PWP1: variants seen among roughly 807,000 people sequenced by gnomAD.
PWP1 encodes the protein periodic tryptophan protein 1 homolog.
In PWP1, 47 loss-of-function variants were observed where a neutral mutation model predicts 69.9. That is an observed-to-expected ratio of 0.67 (90% CI 0.53 to 0.86). PWP1 has a LOEUF of 0.86. PWP1 is among the 40% of genes least tolerant of loss of function. PWP1 has a pLI of 0.00. For missense variants in PWP1, 551 were observed against 608.8 expected, an observed-to-expected ratio of 0.91 and a Z score of 1.00; for synonymous variants, 222 against 208.2, an observed-to-expected ratio of 1.07 and a Z score of -0.57.
At chr12:107,705,890 T>G (rs1889814645) in intron 11 of PWP1, among the ~76,000 whole-genome samples, 1 of 152,192 alleles carries the variant, frequency 6.6e-6, no homozygotes, top group Non-Finnish European at 1.5e-5. Context: ...GCAGCATGAT[T>G]TATAATCCTT....
intron 11 of PWP1, among the ~76,000 whole-genome samples, chr12:107,705,604 G>A (rs184696874): frequency 2.1e-4 from 31 of 144,972 alleles, no homozygotes; most frequent in African/African-American, 7.9e-4. Context: ...CCACCTATGA[G>A]TGAGAACATG....
intron 5 of PWP1, among the ~76,000 whole-genome samples, chr12:107,694,592 A>G (rs1889546708): frequency 6.6e-6 from 1 of 152,176 alleles, no homozygotes; most frequent in Non-Finnish European, 1.5e-5. Context: ...CTAACTCTTG[A>G]TATCTTTGAA....
At chr12:107,686,742 G>T (rs773346967) in intron 1 of PWP1, among the ~76,000 whole-genome samples, 1 of 152,148 alleles carries the variant, frequency 6.6e-6, no homozygotes, top group Non-Finnish European at 1.5e-5. Flanking sequence ...CAAGGCGGGC[G>T]GATCACGAGG....
Position 107,702,944 on chromosome 12 carries a change from A to G in PWP1, c.816A>G (p.Leu272=), listed in dbSNP as rs1224912693. The G allele has an allele frequency of 1.2e-6, 2 of 1,603,816 alleles. No individual in the cohort carries two copies. Among genetic ancestry groups the G allele is most frequent in the South Asian group, 2.2e-5 (2 of 90,872 alleles). The change falls in exon 9 of 15, where the codon TTA becomes TTG. Residue 272 remains leucine (L), a synonymous_variant. Coordinates refer to ENST00000412830, the MANE Select transcript of PWP1 (RefSeq NM_007062.3). The stretch of plus-strand genomic sequence containing the variant: ...TTCTTCCCTTTCTCAGAAATGTTTT[A>G]GCAAGTGCATCAGCTGACAACACTG... ...LSWNKLIRNV[L]ASASADNTVI...
chr12:107,692,746 T>C, intron 3 of PWP1, 68 bp from the exon 4 acceptor site: 2 of 1,313,246 alleles, frequency 1.5e-6, no homozygotes, highest in Non-Finnish European at 2.2e-6. Context: ...CAAGAATGGA[T>C]GTCATAGGAA....
At chr12:107,706,771 G>GT in intron 11 of PWP1, among the ~76,000 whole-genome samples, 1 of 152,232 alleles carries the variant, frequency 6.6e-6, no homozygotes, top group East Asian at 1.9e-4. Context: ...CTCTGTTTTG[G>GT]TACCAGTACC....
rs1253029994 is a variant in PWP1 at position 107,703,072 on chromosome 12, G to A, written c.903+41G>A. ...TGATCACAGCGGTTCTTAAAAATCG[G>A]ACACAAATATTGGCTAAAAATAATC... is the stretch of plus-strand genomic sequence containing the variant. On this transcript the variant is annotated intron_variant, in intron 9 of 14. Transcript: ENST00000412830. 1.5e-5 allele frequency: 21 copies of A among 1,401,624 alleles called. No individual in the cohort carries two copies. The Admixed American group carries it at 3.0e-4, about 20-fold the overall frequency. 86.8% of individuals were successfully genotyped at this position (1,401,624 alleles called of 1,614,324 possible).
intron 3 of PWP1, chr12:107,692,611 T>A: frequency 1.8e-6 from 1 of 542,848 alleles, no homozygotes. Flanking sequence ...CAAGACTGTC[T>A]GAAATCCATT....
intron 9 of PWP1, 124 bp downstream of exon 9, chr12:107,703,155 CAT>C: frequency 1.4e-6 from 1 of 698,796 alleles, no homozygotes; most frequent in Non-Finnish European, 2.4e-6. Context: ...CATGCTTTCA[CAT>C]GTTATCTCTT....
intron 3 of PWP1, among the ~76,000 whole-genome samples, chr12:107,691,545 A>G (rs1889479308): frequency 6.6e-6 from 1 of 152,210 alleles, no homozygotes; most frequent in Non-Finnish European, 1.5e-5. Flanking sequence ...AGAAGCAATG[A>G]GGGCCTGGCT....
At chr12:107,700,977 G>A (rs192333423) in intron 8 of PWP1, among the ~76,000 whole-genome samples, 7 of 152,100 alleles carry the variant, frequency 4.6e-5, no homozygotes, top group Admixed American at 1.3e-4. Flanking sequence ...CAATCCCCCC[G>A]CCTCAGCTTC....
chr12:107,692,726 C>T, intron 3 of PWP1, 88 bp from the exon 4 acceptor site: 1 of 1,074,674 alleles, frequency 9.3e-7, no homozygotes, highest in Non-Finnish European at 1.4e-6. Context: ...TAGATGATTG[C>T]ATCTAAGTCC....
intron 5 of PWP1, among the ~76,000 whole-genome samples, chr12:107,694,187 A>G (rs1889538319): frequency 6.6e-6 from 1 of 152,102 alleles, no homozygotes; most frequent in African/African-American, 2.4e-5. Flanking sequence ...TGTCTGGCGC[A>G]CTCTGCCTAC....
chr12:107,704,607 A>C (rs1174011938), intron 10 of PWP1, 29 bp from the exon 11 acceptor site: 8 of 1,550,054 alleles, frequency 5.2e-6, no homozygotes, highest in Non-Finnish European at 7.1e-6. Flanking sequence ...TGAACTCTTA[A>C]AACCCTAACT....
chr12:107,697,206 T>G (rs1203145983), intron 6 of PWP1, among the ~76,000 whole-genome samples: 1 of 152,164 alleles, frequency 6.6e-6, no homozygotes, highest in Non-Finnish European at 1.5e-5. Context: ...GCCAAGAGAT[T>G]GAGCCTTTCC....
intron 10 of PWP1, among the ~76,000 whole-genome samples, chr12:107,704,157 T>G (rs1566081547): frequency 6.6e-6 from 1 of 152,226 alleles, no homozygotes; most frequent in Non-Finnish European, 1.5e-5. Flanking sequence ...CAAAACCAAC[T>G]TTGCAGTCTT....
At chr12:107,699,163 GCAGGAGAATCGCTTGAATC>G (rs1889653160) in intron 7 of PWP1, among the ~76,000 whole-genome samples, 191 bp from the exon 8 acceptor site, 1 of 152,148 alleles carries the variant, frequency 6.6e-6, no homozygotes. Flanking sequence ...AGAGGCTGAG[GCAGGAGAATCGCTTGAATC>G]CAGGAGGTGG....
At chr12:107,709,315 C>A in intron 13 of PWP1, 83 bp downstream of exon 13, 1 of 1,499,320 alleles carries the variant, frequency 6.7e-7, no homozygotes. Context: ...GCGTGTTTTT[C>A]TGTTGGAACT....
rs769732611 is a variant in PWP1 at position 107,712,272 on chromosome 12, GC to G, written c.*54del. On this transcript the variant is annotated 3_prime_UTR_variant, in exon 15 of 15. Coordinates refer to ENST00000412830, the MANE Select transcript of PWP1 (RefSeq NM_007062.3). ...CTTAACTGGGAATTTTAAAAAGTTG[GC>G]CTAAAAATGTTCCATGCGTGGCAGC... is the stretch of plus-strand genomic sequence containing the variant. The G allele has an allele frequency of 1.9e-5, 27 of 1,443,422 alleles. No individual in the cohort carries two copies. The South Asian group carries it at 3.0e-4, about 16-fold the overall frequency. 89.4% of individuals were successfully genotyped at this position (1,443,422 alleles called of 1,614,324 possible). A position where few individuals can be genotyped will look rare whatever the true frequency, so the allele number is the denominator to read the frequency against.
Sources: gnomAD v4.1 joint callset for allele counts (sites outside exome capture counted in the v4.1 genomes callset) on GRCh38, gnomAD v4.1.1 for gene constraint, MANE v1.5 for transcripts, NCBI Gene and HGNC (gene_info 2026-07-23, HGNC 2026-07-21) for gene names.